The following SPAG16 variants were observed in gnomAD, a reference collection of about 807,000 sequenced individuals.
SPAG16 encodes the protein sperm-associated antigen 16 protein.
In SPAG16, 86 loss-of-function variants were observed where a neutral mutation model predicts 80.4. The observed-to-expected ratio is 1.07, with a 90% CI of 0.90 to 1.28. The LOEUF (loss-of-function observed/expected upper bound fraction) is 1.28, where lower values mean the gene tolerates loss of function less well. Among genes scored for constraint, SPAG16 ranks in the 50% most tolerant of loss-of-function variants. The probability of loss-of-function intolerance (pLI) is 0.00; values close to 1 mark genes in which losing one functional copy is unlikely to be tolerated. For synonymous variants in SPAG16, 294 were observed against 265.9 expected, an observed-to-expected ratio of 1.11 and a Z score of -1.03; for missense variants, 870 against 765.3, an observed-to-expected ratio of 1.14 and a Z score of -1.61.
intron 15 of SPAG16, among the ~76,000 whole-genome samples, chr2:214,159,541 T>C (rs1204552434): frequency 6.6e-6 from 1 of 151,978 alleles, no homozygotes; most frequent in Non-Finnish European, 1.5e-5. Flanking sequence ...AATAGCACAC[T>C]ACTCTTGGAG....
intron 10 of SPAG16, among the ~76,000 whole-genome samples, chr2:213,644,882 C>T (rs2062763605): frequency 6.6e-6 from 1 of 152,196 alleles, no homozygotes; most frequent in African/African-American, 2.4e-5. Flanking sequence ...CACTCAAGGC[C>T]TTGTGGCTCT....
intron 10 of SPAG16, among the ~76,000 whole-genome samples, chr2:213,504,257 G>A (rs955168847): frequency 1.3e-5 from 2 of 152,038 alleles, no homozygotes; most frequent in Non-Finnish European, 2.9e-5. Flanking sequence ...GTGTAGAGAG[G>A]GAAGGAATGA....
chr2:213,813,457 G>A (rs1011031172), intron 10 of SPAG16, among the ~76,000 whole-genome samples: 8 of 152,060 alleles, frequency 5.3e-5, no homozygotes, highest in African/African-American at 1.9e-4. Context: ...GGGCAGGCGG[G>A]AGACCACAGA....
At chr2:213,587,888 C>T (rs1480259290) in intron 10 of SPAG16, among the ~76,000 whole-genome samples, 5 of 152,186 alleles carry the variant, frequency 3.3e-5, no homozygotes, top group African/African-American at 7.2e-5. Flanking sequence ...TTCGAATTAG[C>T]GTACCCATTA....
intron 15 of SPAG16, among the ~76,000 whole-genome samples, chr2:214,219,406 G>T (rs1037031020): frequency 7.2e-5 from 11 of 151,878 alleles, no homozygotes; most frequent in African/African-American, 4.8e-5. Context: ...AAATAGAATA[G>T]AAACAACTTA....
chr2:214,020,016 T>C (rs912140717), intron 13 of SPAG16, among the ~76,000 whole-genome samples: 3 of 152,190 alleles, frequency 2.0e-5, no homozygotes, highest in Non-Finnish European at 4.4e-5. Context: ...TTAACACTTA[T>C]TGAATATGTA....
chr2:213,847,173 G>C (rs942440870), intron 10 of SPAG16, among the ~76,000 whole-genome samples: 2 of 152,126 alleles, frequency 1.3e-5, no homozygotes, highest in Admixed American at 1.3e-4. Flanking sequence ...AGGGACTGCT[G>C]TAATTAGACT....
intron 12 of SPAG16, among the ~76,000 whole-genome samples, chr2:213,993,216 GTTTA>G (rs776121771): frequency 2.8e-4 from 43 of 152,264 alleles, no homozygotes; most frequent in Non-Finnish European, 5.0e-4. Context: ...AGGTATATTT[GTTTA>G]TTTATGCAAT....
intron 10 of SPAG16, among the ~76,000 whole-genome samples, chr2:213,713,540 A>G (rs2066100319): frequency 6.6e-6 from 1 of 152,206 alleles, no homozygotes; most frequent in Admixed American, 6.5e-5. Flanking sequence ...AAGAAAAAAC[A>G]AACAGATTTT....
intron 13 of SPAG16, among the ~76,000 whole-genome samples, chr2:214,069,576 T>A (rs1181747271): frequency 1.3e-5 from 2 of 152,098 alleles, no homozygotes; most frequent in African/African-American, 4.8e-5. Context: ...TCCAATTCTA[T>A]CCCTTCACCC....
At chr2:213,657,931 T>C (rs2063279858) in intron 10 of SPAG16, among the ~76,000 whole-genome samples, 1 of 152,222 alleles carries the variant, frequency 6.6e-6, no homozygotes, top group Non-Finnish European at 1.5e-5. Context: ...AATTGTTTTT[T>C]CAAATGCAGT....
intron 11 of SPAG16, among the ~76,000 whole-genome samples, chr2:213,873,299 T>C (rs902988749): frequency 8.5e-5 from 13 of 152,048 alleles, no homozygotes; most frequent in Non-Finnish European, 1.9e-4. Flanking sequence ...TGTTGCCATG[T>C]TGTTAACAAT....
At chr2:214,298,143 CACACACACACACATAT>C (rs1477858950) in intron 15 of SPAG16, among the ~76,000 whole-genome samples, 3 of 9,956 alleles carry the variant, frequency 3.0e-4, no homozygotes, top group African/African-American at 6.7e-4. Flanking sequence ...CATACACATA[CACACACACACACATAT>C]ACACACACAC....
chr2:213,390,423 A>T (rs2067679961), intron 9 of SPAG16, among the ~76,000 whole-genome samples: 1 of 152,204 alleles, frequency 6.6e-6, no homozygotes. Flanking sequence ...CAATAAAAAC[A>T]TTATTAAAGA....
chr2:214,374,921 A>G (rs1477298326), intron 15 of SPAG16, among the ~76,000 whole-genome samples: 1 of 152,202 alleles, frequency 6.6e-6, no homozygotes, highest in Non-Finnish European at 1.5e-5. Context: ...TGTGGTCTGC[A>G]TGATTCAATA....
rs139905226 is a variant in SPAG16, at chr2:214,357,475, A to G, written c.1721-52665A>G. Among the ~76,000 whole-genome samples the G allele has an allele frequency of 1.5e-4, 23 of 151,888 alleles. No individual in the cohort carries two copies. The East Asian group carries it at 4.3e-3, about 28-fold the overall frequency. The stretch of plus-strand genomic sequence containing the variant: ...TTAAGTCTCCCTTTAGCTATGTCTA[A>G]TCTGCTCTACCCCCTCCCCCAGTCT... On this transcript the variant is annotated intron_variant, in intron 15 of 15. Coordinates refer to ENST00000331683, the MANE Select transcript of SPAG16 (RefSeq NM_024532.5).
At chr2:213,704,471 T>G (rs981917665) in intron 10 of SPAG16, among the ~76,000 whole-genome samples, 4 of 152,168 alleles carry the variant, frequency 2.6e-5, no homozygotes, top group African/African-American at 9.7e-5. Flanking sequence ...CTTACACAAT[T>G]ACTCTCTGCT....
chr2:213,835,676 C>A (rs1279899662), intron 10 of SPAG16, among the ~76,000 whole-genome samples: 1 of 152,040 alleles, frequency 6.6e-6, no homozygotes, highest in Non-Finnish European at 1.5e-5. Context: ...AAAATTTTAA[C>A]CTCCATAATT....
At chr2:213,454,670 C>A (rs1575628941) in intron 9 of SPAG16, among the ~76,000 whole-genome samples, 1 of 152,152 alleles carries the variant, frequency 6.6e-6, no homozygotes. Flanking sequence ...TCTAAGCAGC[C>A]TGAGGTGTCT....
Sources: gnomAD v4.1 joint callset for allele counts (sites outside exome capture counted in the v4.1 genomes callset) on GRCh38, gnomAD v4.1.1 for gene constraint, MANE v1.5 for transcripts, NCBI Gene and HGNC (gene_info 2026-07-23, HGNC 2026-07-21) for gene names.